The following PLEKHA6 variants were observed in gnomAD, a reference collection of about 807,000 sequenced individuals.
PLEKHA6 encodes pleckstrin homology domain-containing family A member 6.
In PLEKHA6, 60 loss-of-function variants were observed where a neutral mutation model predicts 116.7. The observed-to-expected ratio is 0.51, with a 90% CI of 0.42 to 0.64. The LOEUF (loss-of-function observed/expected upper bound fraction) is 0.64, where lower values mean the gene tolerates loss of function less well. PLEKHA6 is among the 30% of genes least tolerant of loss of function. PLEKHA6 has a pLI of 0.00. For missense variants in PLEKHA6, 1,338 were observed against 1,422.7 expected, an observed-to-expected ratio of 0.94 and a Z score of 0.96; for synonymous variants, 489 against 556.1, an observed-to-expected ratio of 0.88 and a Z score of 1.70.
At chr1:204,229,197 G>A (rs111847036) in intron 18 of PLEKHA6, 93 bp from the exon 19 acceptor site, 33 of 1,217,902 alleles carry the variant, frequency 2.7e-5, no homozygotes, top group Middle Eastern at 2.8e-4. Flanking sequence ...TTCCCAGCTC[G>A]CCTGATCTAG....
intron 15 of PLEKHA6, among the ~76,000 whole-genome samples, chr1:204,243,882 G>T (rs529512507): frequency 1.3e-5 from 2 of 152,000 alleles, no homozygotes; most frequent in Non-Finnish European, 2.9e-5. Flanking sequence ...GTGCAGTGGC[G>T]CAATCTCGGC....
chr1:204,252,098 G>GCCCCTC (rs1295978158), intron 9 of PLEKHA6, among the ~76,000 whole-genome samples: 5 of 150,398 alleles, frequency 3.3e-5, no homozygotes, highest in African/African-American at 4.9e-5. Flanking sequence ...CCCTGCCCCT[G>GCCCCTC]CCCCTCCCCA....
chr1:204,235,239 C>G (rs1390627358), intron 17 of PLEKHA6, among the ~76,000 whole-genome samples: 1 of 151,666 alleles, frequency 6.6e-6, no homozygotes, highest in Non-Finnish European at 1.5e-5. Flanking sequence ...CACTGATAGT[C>G]CTTGGCATGA....
chr1:204,366,984 G>A (rs918900058), intron 3 of PLEKHA6, among the ~76,000 whole-genome samples: 2 of 152,216 alleles, frequency 1.3e-5, no homozygotes, highest in African/African-American at 4.8e-5. Context: ...TGCCCCAGGA[G>A]GCTGGGCAGA....
At chr1:204,327,456 G>A (rs569971752) in intron 1 of PLEKHA6, among the ~76,000 whole-genome samples, 8 of 152,348 alleles carry the variant, frequency 5.3e-5, no homozygotes, top group Non-Finnish European at 8.8e-5. Context: ...CCTTGATGCC[G>A]ACGGGCCCCT....
chr1:204,329,488 C>T (rs144864218), intron 1 of PLEKHA6, among the ~76,000 whole-genome samples: 1 of 152,134 alleles, frequency 6.6e-6, no homozygotes, highest in Admixed American at 6.5e-5. Context: ...GGCAATTAGC[C>T]TGTAATGGAT....
chr1:204,368,832 T>C (rs1206105655), intron 2 of PLEKHA6: 4 of 152,366 alleles, frequency 2.6e-5, no homozygotes, highest in Middle Eastern at 3.4e-3. Flanking sequence ...ATTCTCTTGA[T>C]GGACAGTGAC....
At chr1:204,265,435 C>G (rs535057799) in intron 5 of PLEKHA6, among the ~76,000 whole-genome samples, 1 of 152,308 alleles carries the variant, frequency 6.6e-6, no homozygotes, top group South Asian at 2.1e-4. Flanking sequence ...TGAGGAGGTA[C>G]TATTATTACC....
chr1:204,261,652 C>T lies in PLEKHA6; in HGVS notation c.382-204G>A, dbSNP rs540268691. 5.1e-5 allele frequency: 30 copies of T among 586,318 alleles called. No individual in the cohort carries two copies. In the Admixed American group the frequency reaches 6.7e-4, roughly 13 times the overall value. The allele number at this position is 586,318 out of a possible 1,614,324, so 36.3% of individuals were successfully genotyped here. ...CCCCGAGGGTTCCAGCTGGTACCCA[C>T]GTATCCACCTTGGCTGGCTCTCTGG... is the stretch of plus-strand genomic sequence containing the variant. On this transcript the variant is annotated intron_variant, in intron 6 of 22. Coordinates refer to ENST00000272203, the MANE Select transcript of PLEKHA6 (RefSeq NM_014935.5). This position sits in a 1 kb window ranked among gnomAD's most constrained non-coding sequence, Gnocchi z 4.0.
At chr1:204,347,834 T>C (rs997241847) in intron 1 of PLEKHA6, among the ~76,000 whole-genome samples, 1 of 152,054 alleles carries the variant, frequency 6.6e-6, no homozygotes, top group African/African-American at 2.4e-5. Flanking sequence ...TGGCAGAGTA[T>C]ATGGATGCAG....
intron 1 of PLEKHA6, among the ~76,000 whole-genome samples, chr1:204,283,152 G>A (rs1457398670): frequency 6.6e-6 from 1 of 152,180 alleles, no homozygotes; most frequent in Admixed American, 6.5e-5. Flanking sequence ...CAGCAGATCT[G>A]CTTCTGGTGT....
intron 15 of PLEKHA6, 21 bp from the exon 16 acceptor site, chr1:204,241,835 G>A: frequency 6.2e-7 from 1 of 1,613,852 alleles, no homozygotes; most frequent in Non-Finnish European, 8.5e-7. Context: ...AGGGTGAGAA[G>A]ATGGTTGATG....
intron 14 of PLEKHA6, 31 bp downstream of exon 14, chr1:204,245,584 A>T: frequency 7.6e-7 from 1 of 1,318,334 alleles, no homozygotes. Flanking sequence ...TGAGGCAGGC[A>T]GCCTAGGAGG....
intron 8 of PLEKHA6, among the ~76,000 whole-genome samples, chr1:204,258,418 C>T (rs141619127): frequency 0.016 from 2,469 of 152,318 alleles, 35 homozygotes; most frequent in South Asian, 0.025. Flanking sequence ...AGGTGTGAGC[C>T]ACCATGCCCA....
intron 1 of PLEKHA6, among the ~76,000 whole-genome samples, chr1:204,373,086 C>CTTTTTTTT (rs973883787): frequency 1.8e-5 from 2 of 113,430 alleles, no homozygotes; most frequent in Non-Finnish European, 1.8e-5. Context: ...TTTTTTCTTT[C>CTTTTTTTT]TTTTTTTTTT....
intron 9 of PLEKHA6, chr1:204,251,504 G>C (rs1012174100): frequency 1.1e-5 from 8 of 701,938 alleles, no homozygotes; most frequent in Non-Finnish European, 1.8e-5. Context: ...CATTGGCAGG[G>C]ACCATGCTGC....
chr1:204,245,493 C>T lies in PLEKHA6; in HGVS notation c.2032+122G>A, dbSNP rs114676116. The T allele has an allele frequency of 1.8e-3, 1,173 of 650,634 alleles. 5 individuals are homozygous for T. The African/African-American group carries it at 0.019, about 10-fold the overall frequency. 40.3% of individuals were successfully genotyped at this position (650,634 alleles called of 1,614,324 possible). A position where few individuals can be genotyped will look rare whatever the true frequency, so the allele number is the denominator to read the frequency against. On this transcript the variant is annotated intron_variant, in intron 14 of 22. Coordinates refer to ENST00000272203, the MANE Select transcript of PLEKHA6 (RefSeq NM_014935.5). ...AACCCAGGGGAAGATTCTGGTGTCC[C>T]AAGAAGGCCCTGCCTGGCTCTGAAC...
At chr1:204,231,254 C>T (rs891132915) in intron 17 of PLEKHA6, among the ~76,000 whole-genome samples, 4 of 152,154 alleles carry the variant, frequency 2.6e-5, no homozygotes, top group African/African-American at 9.7e-5. Context: ...GAAGAGATGA[C>T]TGGCAGAAAT....
intron 1 of PLEKHA6, among the ~76,000 whole-genome samples, chr1:204,323,732 T>C (rs1672146044): frequency 6.6e-6 from 1 of 152,348 alleles, no homozygotes; most frequent in East Asian, 1.9e-4. Flanking sequence ...AGCTACCTAG[T>C]ATTATAATAA....
Sources: gnomAD v4.1 joint callset for allele counts (sites outside exome capture counted in the v4.1 genomes callset) on GRCh38, gnomAD v4.1.1 for gene constraint, Gnocchi (gnomAD v3.1) non-coding constraint, MANE v1.5 for transcripts, NCBI Gene and HGNC (gene_info 2026-07-23, HGNC 2026-07-21) for gene names.